Variants in C3orf22 observed in about 807,000 individuals in gnomAD.
C3orf22 encodes chromosome 3 open reading frame 22.
A neutral mutation model predicts 10.8 loss-of-function variants in C3orf22; 7 were observed. That is an observed-to-expected ratio of 0.65 (90% CI 0.37 to 1.22). The LOEUF is 1.22. C3orf22 is among the 50% of genes most tolerant of loss of function. The probability of loss-of-function intolerance (pLI) is 0.02; values close to 1 mark genes in which losing one functional copy is unlikely to be tolerated. For synonymous variants in C3orf22, 79 were observed against 78.9 expected, an observed-to-expected ratio of 1.00 and a Z score of 0.00; for missense variants, 173 against 177.0, an observed-to-expected ratio of 0.98 and a Z score of 0.13.
intron 4 of C3orf22, among the ~76,000 whole-genome samples, chr3:126,537,950 C>A (rs1160716732): frequency 6.6e-6 from 1 of 152,186 alleles, no homozygotes; most frequent in Non-Finnish European, 1.5e-5. Flanking sequence ...CAGGCAGCCA[C>A]ACTGTGGGGG....
downstream of C3orf22, chr3:126,549,473 A>G: frequency 2.1e-6 from 1 of 477,844 alleles, no homozygotes; most frequent in South Asian, 1.6e-5. Context: ...TTTAGCAAAC[A>G]GTTTAGCTGC....
Position 126,550,058 on chromosome 3 carries a change from G to GTAAA in C3orf22, c.232_235dup (p.Thr79IlefsTer47). 6.2e-7 allele frequency: 1 copy of GTAAA among 1,613,932 alleles called. No individual in the cohort carries two copies. Among genetic ancestry groups the GTAAA allele is most frequent in the Non-Finnish European group, 8.5e-7 (1 of 1,179,882 alleles). ...TGCCGGGCAGGAGCCAGACGGTGAT[G>GTAAA]TAAAATCTGGAGCCCCGAGCCTAGA... On this transcript the variant is annotated frameshift_variant, in exon 4 of 4. Transcript: ENST00000318225. LOFTEE classifies it low-confidence loss of function (END_TRUNC).
At chr3:126,536,617 A>G (rs1446408496) in intron 4 of C3orf22, among the ~76,000 whole-genome samples, 1 of 152,140 alleles carries the variant, frequency 6.6e-6, no homozygotes, top group Non-Finnish European at 1.5e-5. Context: ...CAGATAAAAA[A>G]GAGTCAAAAC....
downstream of C3orf22, among the ~76,000 whole-genome samples, chr3:126,545,872 G>A (rs1012436737): frequency 3.3e-5 from 5 of 152,188 alleles, no homozygotes; most frequent in Admixed American, 6.5e-5. Flanking sequence ...TGCTCCAATG[G>A]GCCACTTGGA....
At chr3:126,545,730 C>T (rs1235274463), downstream of C3orf22, among the ~76,000 whole-genome samples, 2 of 152,170 alleles carry the variant, frequency 1.3e-5, no homozygotes, top group Non-Finnish European at 2.9e-5. Context: ...CTCAGGATGC[C>T]ACCTTTCCCC....
At chr3:126,552,673 C>T (rs1392224977) in intron 2 of C3orf22, among the ~76,000 whole-genome samples, 1 of 152,174 alleles carries the variant, frequency 6.6e-6, no homozygotes, top group African/African-American at 2.4e-5. Context: ...TGCCAAGCAT[C>T]CAGGGCCACT....
At chr3:126,536,209 AC>A in intron 4 of C3orf22, 3 of 1,478,716 alleles carry the variant, frequency 2.0e-6, no homozygotes, top group South Asian at 1.2e-5. Context: ...GGTTGGCCAA[AC>A]CCCCAGGTCC....
chr3:126,550,430 G>T (rs183329840), intron 3 of C3orf22, among the ~76,000 whole-genome samples: 2 of 152,118 alleles, frequency 1.3e-5, no homozygotes, highest in Admixed American at 1.3e-4. Context: ...AGCACCTGCC[G>T]GAGGCATACT....
intron 4 of C3orf22, chr3:126,542,507 C>A: frequency 6.4e-7 from 1 of 1,568,660 alleles, no homozygotes; most frequent in Non-Finnish European, 8.6e-7. Context: ...CCAGCGGCGC[C>A]TCTTCGACCT....
At chr3:126,557,800 T>C (rs531248067) in intron 1 of C3orf22, among the ~76,000 whole-genome samples, 15 of 152,346 alleles carry the variant, frequency 9.8e-5, no homozygotes, top group African/African-American at 3.1e-4. Context: ...CCCTGGGCCC[T>C]GAAGGGCAGG....
At chr3:126,530,766 G>A (rs991818726) in intron 4 of C3orf22, among the ~76,000 whole-genome samples, 1 of 152,266 alleles carries the variant, frequency 6.6e-6, no homozygotes, top group Admixed American at 6.5e-5. Context: ...ATGTCCGGCA[G>A]TTCAGATCTC....
chr3:126,553,453 A>C, intron 1 of C3orf22, 23 bp from the exon 2 acceptor site: 8 of 895,248 alleles, frequency 8.9e-6, no homozygotes, highest in South Asian at 1.3e-5. Context: ...AGGAGGCGTC[A>C]GAGGGGGCAG....
downstream of C3orf22, chr3:126,549,612 A>C (rs1199979390): frequency 1.4e-6 from 2 of 1,417,400 alleles, no homozygotes; most frequent in East Asian, 6.2e-5. Context: ...CCAACCCTGC[A>C]AGATTAAACA....
intron 1 of C3orf22, among the ~76,000 whole-genome samples, chr3:126,556,713 G>A (rs1937341348): frequency 6.9e-6 from 1 of 145,656 alleles, no homozygotes; most frequent in Admixed American, 6.8e-5. Context: ...CACTCACACA[G>A]ACTGACCCCA....
At chr3:126,528,429 G>A (rs1307444935) in intron 5 of C3orf22, among the ~76,000 whole-genome samples, 1 of 152,198 alleles carries the variant, frequency 6.6e-6, no homozygotes, top group Admixed American at 6.5e-5. Flanking sequence ...GGCTGGAGCT[G>A]AGCAGTGAAC....
intron 5 of C3orf22, among the ~76,000 whole-genome samples, chr3:126,528,803 T>C (rs752462953): frequency 6.6e-6 from 1 of 152,112 alleles, no homozygotes; most frequent in Non-Finnish European, 1.5e-5. Context: ...CTAAACAGAA[T>C]TGCTTATAAT....
chr3:126,542,408 C>T (rs764105342), intron 4 of C3orf22: 4 of 1,554,158 alleles, frequency 2.6e-6, no homozygotes, highest in Admixed American at 3.9e-5. Context: ...CGCATCCGAC[C>T]TGAGCTTCCC....
At chr3:126,530,796 A>G (rs1936641479) in intron 4 of C3orf22, among the ~76,000 whole-genome samples, 1 of 152,218 alleles carries the variant, frequency 6.6e-6, no homozygotes, top group Non-Finnish European at 1.5e-5. Flanking sequence ...CTGGAGACGC[A>G]AGGTCAAATG....
intron 4 of C3orf22, among the ~76,000 whole-genome samples, chr3:126,533,602 A>G (rs955758668): frequency 2.0e-5 from 3 of 152,072 alleles, no homozygotes; most frequent in African/African-American, 7.2e-5. Flanking sequence ...AAACTTTTTC[A>G]TAGGATGTTA....
Sources: allele counts gnomAD v4.1 joint callset (sites outside exome capture counted in the v4.1 genomes callset), GRCh38; gene constraint gnomAD v4.1.1; transcripts MANE v1.5; gene names NCBI Gene and HGNC (gene_info 2026-07-23, HGNC 2026-07-21).